PCSK2: variants seen among roughly 807,000 people sequenced by gnomAD.
PCSK2 encodes proprotein convertase subtilisin/kexin type 2.
PCSK2 carries 14 observed loss-of-function variants against 69.7 expected under a neutral mutation model. The ratio of observed to expected loss-of-function variants is 0.20; its 90% CI spans 0.13 to 0.31. PCSK2 has a LOEUF of 0.31. Ranked by LOEUF, PCSK2 falls within the 10% of genes least tolerant of loss-of-function variation. The probability of loss-of-function intolerance (pLI) is 1.00; values close to 1 mark genes in which losing one functional copy is unlikely to be tolerated. For missense variants in PCSK2, 544 were observed against 842.5 expected, an observed-to-expected ratio of 0.65 and a Z score of 4.39; for synonymous variants, 307 against 320.7, an observed-to-expected ratio of 0.96 and a Z score of 0.46.
chr20:17,292,081 T>C (rs1988716484), intron 2 of PCSK2, among the ~76,000 whole-genome samples: 1 of 152,214 alleles, frequency 6.6e-6, no homozygotes, highest in Non-Finnish European at 1.5e-5. Flanking sequence ...ATAAGGGTTC[T>C]ATTAGGAAGG....
At chr20:17,269,043 T>C (rs1387193157) in intron 2 of PCSK2, among the ~76,000 whole-genome samples, 3 of 152,214 alleles carry the variant, frequency 2.0e-5, no homozygotes, top group Admixed American at 1.3e-4. Context: ...ATGGACAAGA[T>C]GGTGAGAGGA....
intron 5 of PCSK2, among the ~76,000 whole-genome samples, chr20:17,397,033 A>G (rs1480867766): frequency 6.6e-6 from 1 of 152,214 alleles, no homozygotes; most frequent in Non-Finnish European, 1.5e-5. Flanking sequence ...CAATGAGGCC[A>G]AGCAAAGACT....
chr20:17,464,415 T>TA (rs2033064615), intron 10 of PCSK2: 1 of 152,190 alleles, frequency 6.6e-6, no homozygotes, highest in Non-Finnish European at 1.5e-5. Context: ...TCCTGGACAC[T>TA]AAGGATATAA....
At chr20:17,373,694 G>A (rs1433601297) in intron 5 of PCSK2, among the ~76,000 whole-genome samples, 1 of 152,190 alleles carries the variant, frequency 6.6e-6, no homozygotes, top group Non-Finnish European at 1.5e-5. Flanking sequence ...GTTTCTGAAA[G>A]CAGAATTATT....
chr20:17,291,096 A>G (rs1346399875), intron 2 of PCSK2, among the ~76,000 whole-genome samples: 1 of 152,032 alleles, frequency 6.6e-6, no homozygotes, highest in Non-Finnish European at 1.5e-5. Context: ...CATAGCAATA[A>G]TATATTCACC....
chr20:17,378,407 C>T (rs1448543583), intron 5 of PCSK2, among the ~76,000 whole-genome samples: 2 of 152,136 alleles, frequency 1.3e-5, no homozygotes, highest in Non-Finnish European at 2.9e-5. Context: ...CATTTCCTTA[C>T]CCCAAATTCC....
At position 17,436,702 on chromosome 20, in the gene PCSK2, C is replaced by A; in HGVS notation, c.710-6C>A. On this transcript the variant is annotated splice_polypyrimidine_tract_variant and splice_region_variant and intron_variant, in intron 7 of 11. Transcript: ENST00000262545. ...ACATGGTGTCCTCTGCTCAACGTGT[C>A]CACAGGCATCCGGATGCTGGACCAG... The A allele has an allele frequency of 6.2e-7, 1 of 1,609,922 alleles. No individual in the cohort carries two copies. The highest frequency in any genetic ancestry group is 1.1e-5 in the South Asian group (1 of 90,336).
intron 10 of PCSK2, among the ~76,000 whole-genome samples, chr20:17,460,483 A>G (rs962382506): frequency 6.6e-6 from 1 of 152,172 alleles, no homozygotes; most frequent in African/African-American, 2.4e-5. Context: ...CTTAATAAGG[A>G]AGGAGAAAAG....
At chr20:17,268,385 A>T (rs771512084) in intron 2 of PCSK2, among the ~76,000 whole-genome samples, 7 of 152,112 alleles carry the variant, frequency 4.6e-5, no homozygotes, top group Non-Finnish European at 8.8e-5. Context: ...GAAGAGGGAG[A>T]GCCATAGAGG....
intron 7 of PCSK2, among the ~76,000 whole-genome samples, chr20:17,433,577 C>T (rs1295878129): frequency 6.6e-6 from 1 of 152,192 alleles, no homozygotes; most frequent in Non-Finnish European, 1.5e-5. Context: ...CCAGGGCTAG[C>T]CACAGTGCAT....
chr20:17,353,283 A>C (rs2030060949), intron 2 of PCSK2, among the ~76,000 whole-genome samples: 1 of 125,544 alleles, frequency 8.0e-6, no homozygotes, highest in Admixed American at 8.8e-5. Context: ...CAACACTGTG[A>C]AACCCTGTCT....
chr20:17,435,500 T>C (rs576250323), intron 7 of PCSK2, among the ~76,000 whole-genome samples: 1 of 152,304 alleles, frequency 6.6e-6, no homozygotes, highest in East Asian at 1.9e-4. Context: ...TTCATGTCCA[T>C]TTCAGCTGCC....
intron 2 of PCSK2, among the ~76,000 whole-genome samples, chr20:17,348,104 A>AAAG (rs2029877161): frequency 4.1e-5 from 6 of 146,350 alleles, no homozygotes; most frequent in Admixed American, 2.0e-4. Context: ...AGAAAGAAAG[A>AAAG]AAAGAAAAGA....
chr20:17,325,457 T>G (rs1168217240), intron 2 of PCSK2, among the ~76,000 whole-genome samples: 2 of 152,240 alleles, frequency 1.3e-5, no homozygotes, highest in Non-Finnish European at 2.9e-5. Flanking sequence ...ATGGGGCGTG[T>G]GATCACCTTG....
At chr20:17,362,958 C>T (rs916173435) in intron 4 of PCSK2, among the ~76,000 whole-genome samples, 6 of 152,214 alleles carry the variant, frequency 3.9e-5, no homozygotes, top group Non-Finnish European at 7.3e-5. Flanking sequence ...CAGCTAGAAC[C>T]GGGAAGGCTG....
At chr20:17,316,670 G>A (rs910712214) in intron 2 of PCSK2, among the ~76,000 whole-genome samples, 17 of 152,258 alleles carry the variant, frequency 1.1e-4, no homozygotes, top group African/African-American at 2.4e-4. Context: ...GAATAATAAC[G>A]CAGCATCAAT....
intron 2 of PCSK2, among the ~76,000 whole-genome samples, chr20:17,316,912 A>T (rs994261554): frequency 6.6e-6 from 1 of 152,236 alleles, no homozygotes; most frequent in Non-Finnish European, 1.5e-5. Flanking sequence ...GCTTTAAAAA[A>T]ATCTGGTTCA....
At chr20:17,369,361 T>C (rs549855331) in intron 5 of PCSK2, 84 bp downstream of exon 5, 56 of 1,002,224 alleles carry the variant, frequency 5.6e-5, no homozygotes, top group Non-Finnish European at 8.9e-5. Context: ...TGCACATGTC[T>C]ACATGTCTAT....
At chr20:17,448,703 T>C (rs1392230992) in intron 8 of PCSK2, among the ~76,000 whole-genome samples, 1 of 152,154 alleles carries the variant, frequency 6.6e-6, no homozygotes, top group Non-Finnish European at 1.5e-5. Context: ...TCTCCATCAC[T>C]GCATCCTGGA....
Sources: allele counts gnomAD v4.1 joint callset (sites outside exome capture counted in the v4.1 genomes callset), GRCh38; gene constraint gnomAD v4.1.1; transcripts MANE v1.5; gene names NCBI Gene and HGNC (gene_info 2026-07-23, HGNC 2026-07-21).